The following WT1 variants were observed in gnomAD, a reference collection of about 807,000 sequenced individuals.
WT1 encodes the protein Wilms tumor protein.
In WT1, 8 loss-of-function variants were observed where a neutral mutation model predicts 60.8. The ratio of observed to expected loss-of-function variants is 0.13; its 90% CI spans 0.08 to 0.24. The LOEUF (loss-of-function observed/expected upper bound fraction) is 0.24. Among genes scored for constraint, WT1 ranks in the 10% least tolerant of loss-of-function variants. WT1 has a pLI of 1.00. For synonymous variants in WT1, 312 were observed against 297.1 expected (o/e 1.05, Z -0.52); for missense variants, 568 against 711.8 (o/e 0.80, Z 2.30).
At chr11:32,401,314 A>G (rs1338016543) in intron 5 of WT1, among the ~76,000 whole-genome samples, 3 of 152,210 alleles carry the variant, frequency 2.0e-5, no homozygotes, top group African/African-American at 7.2e-5. Flanking sequence ...GTAGGGACAG[A>G]AACTAGATTA....
At chr11:32,406,941 A>G (rs1852330417) in intron 5 of WT1, among the ~76,000 whole-genome samples, 2 of 151,984 alleles carry the variant, frequency 1.3e-5, no homozygotes, top group Admixed American at 6.6e-5. Flanking sequence ...TCTACCAAAA[A>G]TACAAAAATT....
intron 5 of WT1, among the ~76,000 whole-genome samples, chr11:32,415,132 T>G (rs1209730403): frequency 6.6e-6 from 1 of 152,216 alleles, no homozygotes; most frequent in Non-Finnish European, 1.5e-5. Context: ...GCCAAATTCC[T>G]TATCTGTAAT....
In WT1 at chr11:32,412,648, A is replaced by T. The variant is rs904511238; in HGVS notation, c.1016+3842T>A. 2.6e-5 allele frequency among the ~76,000 whole-genome samples: 4 copies of T among 151,312 alleles called. No homozygotes were observed. The South Asian group carries it at 6.3e-4, about 24-fold the overall frequency. On this transcript the variant is annotated intron_variant, in intron 5 of 9. Coordinates refer to ENST00000452863, the MANE Select transcript of WT1 (RefSeq NM_024426.6). ...AGATAACACAAGGCACCATCAATAG[A>T]AGGCTTCAAAATGGTGGACTCATAC...
chr11:32,417,527 A>G (rs574433451), intron 4 of WT1, 50 bp downstream of exon 4: 10 of 1,529,284 alleles, frequency 6.5e-6, no homozygotes, highest in Non-Finnish European at 9.1e-6. Context: ...GAAATGGTTC[A>G]AACAGGTATA....
Position 32,401,274 on chromosome 11 carries a change from T to G in WT1, c.1017-1230A>C, listed in dbSNP as rs369886814. On this transcript the variant is annotated intron_variant, in intron 5 of 9. Transcript: ENST00000452863. Reference sequence around the variant, plus strand: ...AAGACCACATGTAGTATGATTGCATTTCTATAAAATGTCCAGAATAAGCAA... The same window carrying G: ...AAGACCACATGTAGTATGATTGCATGTCTATAAAATGTCCAGAATAAGCAA... Among the ~76,000 whole-genome samples the G allele has an allele frequency of 6.8e-4, 104 of 152,318 alleles. 3 individuals are homozygous for G. In the South Asian group the frequency reaches 0.021, roughly 31 times the overall value.
Position 32,388,921 on chromosome 11 carries a change from G to C in WT1, c.*137C>G, listed in dbSNP as rs966701159. 7.4e-6 allele frequency: 11 copies of C among 1,491,978 alleles called. No individual in the cohort carries two copies. In the Admixed American group the frequency reaches 2.1e-4, roughly 28 times the overall value. The allele number at this position is 1,491,978 out of a possible 1,614,324, so 92.4% of individuals were successfully genotyped here. ...ACACCTGGTAGTTTCCAGAAGCACC[G>C]GTATCTTGTCTTGGAAGTTGGATGA... On this transcript the variant is annotated 3_prime_UTR_variant, in exon 10 of 10. Transcript: ENST00000452863.
rs1202603651 is a variant in WT1 at position 32,434,964 on chromosome 11, G to T, written c.397C>A (p.Pro133Thr). The change falls in exon 1 of 10, where the codon CCG becomes ACG. Residue 133 changes from proline to threonine, a missense_variant. Pro to Thr is a conservative substitution (Grantham distance 38, BLOSUM62 -1). Transcript: ENST00000452863. ...GGCGGCGGCGGCGGGGGTGGCGGCG[G>T]AGCCGGTGGCGGCGCGGGGCCGCCC... 6.5e-6 allele frequency: 10 copies of T among 1,548,892 alleles called. No homozygotes were observed. Among genetic ancestry groups the T allele is most frequent in the Non-Finnish European group, 7.8e-6 (9 of 1,152,194 alleles).
chr11:32,427,131 G>C (rs1456104154), intron 3 of WT1, among the ~76,000 whole-genome samples: 3 of 152,206 alleles, frequency 2.0e-5, no homozygotes, highest in South Asian at 2.1e-4. Context: ...CACAGGCCTC[G>C]CGCTGCTGCT....
intron 5 of WT1, among the ~76,000 whole-genome samples, chr11:32,404,756 T>C (rs1487522569): frequency 6.6e-6 from 1 of 152,198 alleles, no homozygotes; most frequent in African/African-American, 2.4e-5. Context: ...ACTTCCACTA[T>C]TGGACTGGTA....
chr11:32,430,633 C>A, intron 1 of WT1: 1 of 1,525,696 alleles, frequency 6.6e-7, no homozygotes, highest in Non-Finnish European at 8.8e-7. Context: ...GCCGTGGGTC[C>A]CGAGTCGCGG....
In WT1 at chr11:32,396,364, G is replaced by A. The variant is rs142937387; in HGVS notation, c.1157C>T (p.Ser386Leu). 2 of 1,614,162 alleles carry A rather than the reference G, an allele frequency of 1.2e-6. No individual in the cohort carries two copies. The highest frequency in any genetic ancestry group is 1.7e-6 in the Non-Finnish European group (2 of 1,180,042). The stretch of plus-strand genomic sequence containing the variant: ...GCGTTTCTCACTGGTCTCAGATGCC[G>A]ACCGTACAAGAGTCGGGGCTACTCC... Residue 386 changes from serine (S) to leucine (L), a missense_variant, in exon 7 of 10, where the codon TCG becomes TTG. By Grantham distance (145) the Ser-to-Leu change is moderately radical. Coordinates refer to ENST00000452863, the MANE Select transcript of WT1 (RefSeq NM_024426.6).
intron 5 of WT1, among the ~76,000 whole-genome samples, chr11:32,412,243 C>T (rs140593184): frequency 4.8e-4 from 73 of 152,298 alleles, no homozygotes; most frequent in African/African-American, 1.7e-3. Flanking sequence ...CCTACCAAAA[C>T]GCACAGCTTT....
chr11:32,430,786 T>G, intron 1 of WT1: 1 of 1,308,016 alleles, frequency 7.6e-7, no homozygotes. Context: ...CTCCTTCAGG[T>G]CCCCCCGGGA....
At position 32,434,872 on chromosome 11, in the gene WT1, G is replaced by A. The variant is rs908414065; in HGVS notation, c.489C>T (p.Ser163=). The A allele has an allele frequency of 6.2e-7, 1 of 1,612,492 alleles. No individual in the cohort carries two copies. The highest frequency in any genetic ancestry group is 8.5e-7 in the Non-Finnish European group (1 of 1,179,814). ...GGCCGGAAAAGTGGACAGTGAAGGCGCTCAGGCACTGCTCCTCGTGCGGCT... is the reference window on the plus strand; with the variant it reads ...GGCCGGAAAAGTGGACAGTGAAGGCACTCAGGCACTGCTCCTCGTGCGGCT... The change falls in exon 1 of 10, where the codon AGC becomes AGT. Residue 163 remains serine, a synonymous_variant. Coordinates refer to ENST00000452863, the MANE Select transcript of WT1 (RefSeq NM_024426.6).
intron 3 of WT1, among the ~76,000 whole-genome samples, chr11:32,423,393 T>G (rs1852917441): frequency 6.6e-6 from 1 of 152,248 alleles, no homozygotes; most frequent in Non-Finnish European, 1.5e-5. Flanking sequence ...GTGTTAGAAC[T>G]TCAGGAGAAT....
chr11:32,411,497 G>T (rs5030234), intron 5 of WT1, among the ~76,000 whole-genome samples: 26,097 of 152,128 alleles, frequency 0.17, 3,259 homozygotes, highest in East Asian at 0.65. Flanking sequence ...ACAGGAAAGG[G>T]TCTAAAATTT....
intron 3 of WT1, among the ~76,000 whole-genome samples, chr11:32,420,189 AT>A (rs1351370804): frequency 6.6e-6 from 1 of 152,212 alleles, no homozygotes; most frequent in Non-Finnish European, 1.5e-5. Flanking sequence ...TATTTGAAAA[AT>A]TAATTCCACA....
chr11:32,418,333 C>T (rs576602027), intron 3 of WT1, among the ~76,000 whole-genome samples: 16 of 151,816 alleles, frequency 1.1e-4, no homozygotes, highest in Non-Finnish European at 1.9e-4. Flanking sequence ...AGTCTTACAC[C>T]GCTATGTAAA....
chr11:32,419,248 CT>C (rs1431288945), intron 3 of WT1, among the ~76,000 whole-genome samples: 1 of 152,178 alleles, frequency 6.6e-6, no homozygotes. Context: ...CTTGAACTTT[CT>C]TTGGGCTGAC....
Sources: allele counts gnomAD v4.1 joint callset (sites outside exome capture counted in the v4.1 genomes callset), GRCh38; gene constraint gnomAD v4.1.1; transcripts MANE v1.5; gene names NCBI Gene and HGNC (gene_info 2026-07-23, HGNC 2026-07-21).